Variants in CWF19L2 observed in about 807,000 individuals in gnomAD.
CWF19L2 encodes the protein CWF19-like protein 2.
In CWF19L2, 98 loss-of-function variants were observed where a neutral mutation model predicts 111.7. That is an observed-to-expected ratio of 0.88 (90% CI 0.75 to 1.04). The LOEUF (loss-of-function observed/expected upper bound fraction) is 1.04. CWF19L2 is among the 50% of genes least tolerant of loss of function. The probability of loss-of-function intolerance (pLI) is 0.00; values close to 1 mark genes in which losing one functional copy is unlikely to be tolerated. For missense variants in CWF19L2, 1,101 were observed against 1,051.4 expected (o/e 1.05, Z -0.65); for synonymous variants, 351 against 342.9 (o/e 1.02, Z -0.26).
Position 107,428,778 on chromosome 11 carries a change from G to A in CWF19L2, c.1433+21C>T, listed in dbSNP as rs576234764. The A allele has an allele frequency of 2.2e-5, 35 of 1,561,854 alleles. No individual in the cohort carries two copies. The East Asian group carries it at 7.4e-4, about 33-fold the overall frequency. On this transcript the variant is annotated intron_variant, in intron 8 of 17. Transcript: ENST00000282251. Reference sequence around the variant, plus strand: ...GAACTCTCTGGATCTTAACTTATTAGGTTAAAAAATGATAAAATACCCAGC... The same window carrying A: ...GAACTCTCTGGATCTTAACTTATTAAGTTAAAAAATGATAAAATACCCAGC...
At chr11:107,426,767 A>G (rs568947419) in intron 8 of CWF19L2, among the ~76,000 whole-genome samples, 32 of 151,224 alleles carry the variant, frequency 2.1e-4, no homozygotes, top group South Asian at 8.3e-4. Context: ...TATTAAATAT[A>G]TAAGTTATGT....
intron 7 of CWF19L2, 29 bp downstream of exon 7, chr11:107,433,605 A>C: frequency 9.5e-7 from 1 of 1,049,458 alleles, no homozygotes; most frequent in Non-Finnish European, 1.3e-6. Context: ...TCTGAAAATA[A>C]GAGGCATCTC....
chr11:107,339,643 T>TA (rs1859976109), intron 14 of CWF19L2, among the ~76,000 whole-genome samples: 1 of 151,126 alleles, frequency 6.6e-6, no homozygotes, highest in Non-Finnish European at 1.5e-5. Context: ...TTCAGCAAAA[T>TA]GTTTCATGAT....
chr11:107,420,519 T>C (rs796439652), intron 8 of CWF19L2, among the ~76,000 whole-genome samples: 15 of 152,194 alleles, frequency 9.9e-5, no homozygotes, highest in African/African-American at 3.4e-4. Flanking sequence ...TCCACAATTA[T>C]AGCTATAAAT....
intron 5 of CWF19L2, 68 bp from the exon 6 acceptor site, chr11:107,439,251 T>G: frequency 1.1e-6 from 1 of 898,562 alleles, no homozygotes; most frequent in Non-Finnish European, 1.8e-6. Context: ...TAACAAATAA[T>G]AAATCTGAGA....
chr11:107,442,320 G>A (rs1439680602), intron 4 of CWF19L2, among the ~76,000 whole-genome samples: 1 of 152,122 alleles, frequency 6.6e-6, no homozygotes, highest in Non-Finnish European at 1.5e-5. Context: ...TTGTTCTCCT[G>A]AAGAAATTTT....
intron 6 of CWF19L2, among the ~76,000 whole-genome samples, chr11:107,437,458 A>G (rs1270217350): frequency 6.6e-6 from 1 of 152,160 alleles, no homozygotes; most frequent in Non-Finnish European, 1.5e-5. Flanking sequence ...CACCCCTACC[A>G]TCGGTCTAAA....
chr11:107,443,007 G>A lies in CWF19L2; in HGVS notation c.382C>T (p.Pro128Ser). ...ACTTTCCAGGCTTTTTCCTTGTCAG[G>A]AGTCTGGGATGGAACAGCCTCAACC... ...EWVEAVPSQTPDKEKAWKVKD... is the reference protein window; with the variant it reads ...EWVEAVPSQTSDKEKAWKVKD... The change falls in exon 4 of 18, where the codon CCT becomes TCT. Residue 128 changes from proline to serine, a missense_variant. Pro to Ser is a moderately conservative substitution (Grantham distance 74, BLOSUM62 -1). Transcript: ENST00000282251. The A allele has an allele frequency of 6.4e-7, 1 of 1,551,802 alleles. No individual in the cohort carries two copies.
chr11:107,387,521 G>T (rs1447472299), intron 12 of CWF19L2, among the ~76,000 whole-genome samples: 1 of 150,330 alleles, frequency 6.7e-6, no homozygotes, highest in Non-Finnish European at 1.5e-5. Context: ...AAATATGAAA[G>T]TTATCCATGG....
intron 12 of CWF19L2, among the ~76,000 whole-genome samples, chr11:107,356,141 TCAA>T (rs936588535): frequency 1.3e-5 from 2 of 151,922 alleles, no homozygotes; most frequent in African/African-American, 2.4e-5. Context: ...GACCCATGAA[TCAA>T]CAACAACAAC....
intron 16 of CWF19L2, among the ~76,000 whole-genome samples, chr11:107,330,676 A>T (rs2134518158): frequency 9.0e-6 from 1 of 111,242 alleles, no homozygotes; most frequent in East Asian, 2.7e-4. Flanking sequence ...ACACACACAC[A>T]CACACACACA....
chr11:107,452,330 T>C (rs1861789187), intron 3 of CWF19L2, among the ~76,000 whole-genome samples: 1 of 152,026 alleles, frequency 6.6e-6, no homozygotes, highest in Non-Finnish European at 1.5e-5. Context: ...TATAATTACA[T>C]ACTAGCTGTA....
At chr11:107,363,665 G>A (rs1446236208) in intron 12 of CWF19L2, among the ~76,000 whole-genome samples, 1 of 114,484 alleles carries the variant, frequency 8.7e-6, no homozygotes, top group Admixed American at 8.9e-5. Context: ...AAGAGCTCCT[G>A]AAGGAAGTGC....
chr11:107,348,537 C>T (rs1454091053), intron 14 of CWF19L2, among the ~76,000 whole-genome samples: 1 of 152,134 alleles, frequency 6.6e-6, no homozygotes, highest in Admixed American at 6.6e-5. Context: ...GAAAATACGG[C>T]AACCGCTAAA....
intron 14 of CWF19L2, among the ~76,000 whole-genome samples, chr11:107,341,313 A>T (rs760682877): frequency 6.6e-6 from 1 of 152,136 alleles, no homozygotes; most frequent in Non-Finnish European, 1.5e-5. Flanking sequence ...TGATTTTGAG[A>T]GTTTTTATCA....
chr11:107,419,481 T>C (rs747316508), intron 8 of CWF19L2, among the ~76,000 whole-genome samples: 2 of 151,988 alleles, frequency 1.3e-5, no homozygotes, highest in Non-Finnish European at 2.9e-5. Context: ...ACACAACCCA[T>C]AATTAGAACA....
intron 14 of CWF19L2, among the ~76,000 whole-genome samples, chr11:107,342,982 G>C (rs1355957932): frequency 6.6e-6 from 1 of 152,116 alleles, no homozygotes; most frequent in Non-Finnish European, 1.5e-5. Context: ...CTCTTCCAGA[G>C]TCTCCAGAAG....
chr11:107,340,897 G>A (rs1308883341), intron 14 of CWF19L2, among the ~76,000 whole-genome samples: 2 of 152,074 alleles, frequency 1.3e-5, no homozygotes, highest in Admixed American at 6.6e-5. Flanking sequence ...ATATGGACAC[G>A]TTTTGTTAGA....
intron 2 of CWF19L2, among the ~76,000 whole-genome samples, chr11:107,455,348 T>C (rs538001127): frequency 6.6e-6 from 1 of 151,980 alleles, no homozygotes; most frequent in East Asian, 1.9e-4. Context: ...GCTTGAGACC[T>C]AAAAAAATAA....
Sources: allele counts gnomAD v4.1 joint callset (sites outside exome capture counted in the v4.1 genomes callset), GRCh38; gene constraint gnomAD v4.1.1; transcripts MANE v1.5; gene names NCBI Gene and HGNC (gene_info 2026-07-23, HGNC 2026-07-21).